MRPS14: variants seen among roughly 807,000 people sequenced by gnomAD.
MRPS14 encodes the protein mitochondrial ribosomal protein S14.
Under a neutral mutation model 16.4 loss-of-function variants are expected in MRPS14, and 14 were observed. The observed-to-expected ratio is 0.85, with a 90% CI of 0.56 to 1.33. MRPS14 has a LOEUF of 1.33. Among genes scored for constraint, MRPS14 ranks in the 40% most tolerant of loss-of-function variants. MRPS14 has a pLI of 0.00. For synonymous variants in MRPS14, 54 were observed against 61.9 expected (o/e 0.87, Z 0.60); for missense variants, 162 against 176.8 (o/e 0.92, Z 0.48).
At position 175,013,299 on chromosome 1, in the gene MRPS14, G is replaced by A. The variant is rs943275882; in HGVS notation, c.*1370C>T. On this transcript the variant is annotated 3_prime_UTR_variant, in exon 3 of 3. Transcript: ENST00000476371. The stretch of plus-strand genomic sequence containing the variant: ...CACCGCATGACTGGAACCTGAACTC[G>A]CTTATCTTCTGTTTCCCCTAAATTT... The A allele has an allele frequency of 1.3e-5, 2 of 152,152 alleles. No individual in the cohort carries two copies. Among genetic ancestry groups the A allele is most frequent in the Admixed American group, 6.5e-5 (1 of 15,274 alleles). The allele number at this position is 152,152 out of a possible 1,614,324, so 9.4% of individuals were successfully genotyped here. A position where few individuals can be genotyped will look rare whatever the true frequency, so the allele number is the denominator to read the frequency against.
chr1:175,020,283 A>G (rs925210856), intron 1 of MRPS14, among the ~76,000 whole-genome samples: 7 of 152,196 alleles, frequency 4.6e-5, no homozygotes, highest in Non-Finnish European at 2.9e-5. Flanking sequence ...AAGATCAAGG[A>G]GAAATCAAAG....
chr1:175,013,738 T>C lies in MRPS14; in HGVS notation c.*931A>G, dbSNP rs1292443155. 2.0e-5 allele frequency: 3 copies of C among 152,226 alleles called. No individual in the cohort carries two copies. The highest frequency in any genetic ancestry group is 7.2e-5 in the African/African-American group (3 of 41,458). The allele number at this position is 152,226 out of a possible 1,614,324, so 9.4% of individuals were successfully genotyped here. ...ATCCTCCACAATACGGGCCTTGTCT[T>C]GTGCTTCATATTTCTGATCTACTGA... On this transcript the variant is annotated 3_prime_UTR_variant, in exon 3 of 3. Transcript: ENST00000476371.
In MRPS14 at chr1:175,014,376, G is replaced by T; in HGVS notation, c.*293C>A. On this transcript the variant is annotated 3_prime_UTR_variant, in exon 3 of 3. Coordinates refer to ENST00000476371, the MANE Select transcript of MRPS14 (RefSeq NM_022100.3). ...CAAAAACCCCTATATGTTACTAAAA[G>T]ATTAAACTTAAAAGGAGGGTATAAA... 1 of 412,522 alleles carries T rather than the reference G, an allele frequency of 2.4e-6. No homozygotes were observed. The allele number at this position is 412,522 out of a possible 1,614,324, so 25.6% of individuals were successfully genotyped here.
chr1:175,023,394 C>A lies in MRPS14; in HGVS notation c.15G>T (p.Met5Ile). 6.2e-7 allele frequency: 1 copy of A among 1,614,186 alleles called. No individual in the cohort carries two copies. The highest frequency in any genetic ancestry group is 8.5e-7 in the Non-Finnish European group (1 of 1,180,030). The change falls in exon 1 of 3, where the codon ATG becomes ATT. Residue 5 changes from methionine (M) to isoleucine (I), a missense_variant. By Grantham distance (10) the Met-to-Ile change is conservative. Transcript: ENST00000476371. MAAFMLGSLLRTFKQ... is the reference protein window; with the variant it reads MAAFILGSLLRTFKQ... ...TGAACGTCCGCAGCAGCGAGCCCAG[C>A]ATGAAGGCCGCCATGTTGTCCGCTA...
intron 1 of MRPS14, among the ~76,000 whole-genome samples, chr1:175,020,039 TG>T (rs1421180719): frequency 2.6e-5 from 4 of 152,220 alleles, no homozygotes; most frequent in Non-Finnish European, 5.9e-5. Context: ...AATCACCTTT[TG>T]AAAAAAAGAT....
intron 2 of MRPS14, 79 bp from the exon 3 acceptor site, chr1:175,014,930 T>A: frequency 8.1e-7 from 1 of 1,233,414 alleles, no homozygotes; most frequent in East Asian, 2.6e-5. Flanking sequence ...TGCAGGTAAT[T>A]TTCTTTTCTT....
chr1:175,014,903 T>G lies in MRPS14; in HGVS notation c.205-52A>C, dbSNP rs559848707. The G allele has an allele frequency of 7.8e-6, 12 of 1,537,452 alleles. No individual in the cohort carries two copies. In the South Asian group the frequency reaches 1.2e-4, roughly 16 times the overall value. On this transcript the variant is annotated intron_variant, in intron 2 of 2. Coordinates refer to ENST00000476371, the MANE Select transcript of MRPS14 (RefSeq NM_022100.3). ...ATCACATTACATTGTTGCACATGTA[T>G]TTTGCTCCTTCTCACTTGCAGGTAA...
chr1:175,020,109 G>A (rs1672951548), intron 1 of MRPS14, among the ~76,000 whole-genome samples: 1 of 152,144 alleles, frequency 6.6e-6, no homozygotes, highest in Non-Finnish European at 1.5e-5. Context: ...TGAATGCCTT[G>A]GTAACCATGG....
At position 175,023,396 on chromosome 1, in the gene MRPS14, T is replaced by C. The variant is rs141489541; in HGVS notation, c.13A>G (p.Met5Val). Residue 5 changes from methionine (M) to valine (V), a missense_variant, in exon 1 of 3, where the codon ATG becomes GTG. By Grantham distance (21) the Met-to-Val change is conservative (BLOSUM62 1). Coordinates refer to ENST00000476371, the MANE Select transcript of MRPS14 (RefSeq NM_022100.3). ...AACGTCCGCAGCAGCGAGCCCAGCA[T>C]GAAGGCCGCCATGTTGTCCGCTACA... The part of the protein sequence containing the change: MAAF[M>V]LGSLLRTFKQ... The C allele has an allele frequency of 5.3e-5, 85 of 1,614,034 alleles. No individual in the cohort carries two copies. The highest frequency in any genetic ancestry group is 1.8e-4 in the Admixed American group (11 of 60,008).
At position 175,018,327 on chromosome 1, in the gene MRPS14, T is replaced by C. The variant is rs1392852356; in HGVS notation, c.204+91A>G. The C allele has an allele frequency of 4.1e-6, 5 of 1,205,734 alleles. No individual in the cohort carries two copies. In the African/African-American group the frequency reaches 4.6e-5, roughly 11 times the overall value. 74.7% of individuals were successfully genotyped at this position (1,205,734 alleles called of 1,614,324 possible). ...GGATCTTATTCTCCAGAAATTATAT[T>C]GATACCAAGTCACAACAAACAGTAT... is the stretch of plus-strand genomic sequence containing the variant. On this transcript the variant is annotated intron_variant, in intron 2 of 2. Transcript: ENST00000476371.
chr1:175,018,550 T>C lies in MRPS14; in HGVS notation c.72A>G (p.Gln24=), dbSNP rs1192668271. Residue 24 remains glutamine, a synonymous_variant, in exon 2 of 3, where the codon CAA becomes CAG. Transcript: ENST00000476371. ...TCCAGTCTACATAGTGACTTCGAAC[T>C]TGGCCTGAAGCTGATGAAGGAACCA... is the stretch of plus-strand genomic sequence containing the variant. ...KQMVPSSASG[Q]VRSHYVDWRM... is the part of the protein sequence containing the mutation. 5 of 1,602,818 alleles carry C rather than the reference T, an allele frequency of 3.1e-6. No homozygotes were observed. The African/African-American group carries it at 4.0e-5, about 13-fold the overall frequency.
At chr1:175,021,530 C>T (rs1672977391) in intron 1 of MRPS14, among the ~76,000 whole-genome samples, 1 of 152,210 alleles carries the variant, frequency 6.6e-6, no homozygotes, top group Admixed American at 6.5e-5. Context: ...CTCCTTCTAA[C>T]ACCCCAATAA....
chr1:175,017,080 A>T (rs1426508168), intron 2 of MRPS14, among the ~76,000 whole-genome samples: 1 of 151,034 alleles, frequency 6.6e-6, no homozygotes, highest in Non-Finnish European at 1.5e-5. Flanking sequence ...TTTGAGACAC[A>T]GTCTTGCTCT....
rs958233460 is a variant in MRPS14, at chr1:175,014,561, T to C, written c.*108A>G. The C allele has an allele frequency of 6.2e-6, 7 of 1,131,334 alleles. No homozygotes were observed. The highest frequency in any genetic ancestry group is 7.4e-6 in the Non-Finnish European group (6 of 815,464). The allele number at this position is 1,131,334 out of a possible 1,614,324, so 70.1% of individuals were successfully genotyped here. A position where few individuals can be genotyped will look rare whatever the true frequency, so the allele number is the denominator to read the frequency against. Reference sequence around the variant, plus strand: ...GATAGCATCAGGTAGGCCAAACAACTGTACTGGGCCCCTGTAGAGATTAGG... The same window carrying C: ...GATAGCATCAGGTAGGCCAAACAACCGTACTGGGCCCCTGTAGAGATTAGG... On this transcript the variant is annotated 3_prime_UTR_variant, in exon 3 of 3. Transcript: ENST00000476371.
In MRPS14 at chr1:175,013,546, C is replaced by T. The variant is rs2149413663; in HGVS notation, c.*1123G>A. On this transcript the variant is annotated 3_prime_UTR_variant, in exon 3 of 3. Coordinates refer to ENST00000476371, the MANE Select transcript of MRPS14 (RefSeq NM_022100.3). ...TTCAGGCCTTCATCTTCCTCAACAA[C>T]TAAGACATCCTCCTAACTGGTTGTC... 1 of 152,240 alleles carries T rather than the reference C, an allele frequency of 6.6e-6. No homozygotes were observed. The highest frequency in any genetic ancestry group is 1.9e-4 in the East Asian group (1 of 5,202). 9.4% of individuals were successfully genotyped at this position (152,240 alleles called of 1,614,324 possible).
Position 175,014,426 on chromosome 1 carries a change from A to G in MRPS14, c.*243T>C. 1 of 424,800 alleles carries G rather than the reference A, an allele frequency of 2.4e-6. No individual in the cohort carries two copies. Among genetic ancestry groups the G allele is most frequent in the Non-Finnish European group, 4.1e-6 (1 of 242,216 alleles). The allele number at this position is 424,800 out of a possible 1,614,324, so 26.3% of individuals were successfully genotyped here. A position where few individuals can be genotyped will look rare whatever the true frequency, so the allele number is the denominator to read the frequency against. ...AAAACATTCACAGAAAATATTTATTATGCTACTCTTTGTACTATGTATGGG... is the reference window on the plus strand; with the variant it reads ...AAAACATTCACAGAAAATATTTATTGTGCTACTCTTTGTACTATGTATGGG... On this transcript the variant is annotated 3_prime_UTR_variant, in exon 3 of 3. Transcript: ENST00000476371.
intron 1 of MRPS14, among the ~76,000 whole-genome samples, chr1:175,019,394 G>A (rs1196057821): frequency 6.6e-6 from 1 of 152,146 alleles, no homozygotes; most frequent in East Asian, 1.9e-4. Flanking sequence ...CAATTCTCAT[G>A]CCTCAGCCTC....
intron 2 of MRPS14, among the ~76,000 whole-genome samples, chr1:175,015,324 T>C (rs1484899841): frequency 6.6e-6 from 1 of 152,226 alleles, no homozygotes; most frequent in African/African-American, 2.4e-5. Context: ...TCTTACGATT[T>C]GGGCGAATAT....
intron 2 of MRPS14, among the ~76,000 whole-genome samples, chr1:175,015,262 G>A (rs1317295230): frequency 6.6e-6 from 1 of 152,084 alleles, no homozygotes; most frequent in Admixed American, 6.6e-5. Flanking sequence ...GGCAGGTAAT[G>A]TTCATTGCAT....
Sources: allele counts gnomAD v4.1 joint callset (sites outside exome capture counted in the v4.1 genomes callset), GRCh38; gene constraint gnomAD v4.1.1; transcripts MANE v1.5; gene names NCBI Gene and HGNC (gene_info 2026-07-23, HGNC 2026-07-21).